Variants in SOX5 observed in about 807,000 individuals in gnomAD.
SOX5 encodes transcription factor SOX-5.
A neutral mutation model predicts 92.0 loss-of-function variants in SOX5; 9 were observed. That is an observed-to-expected ratio of 0.10 (90% CI 0.06 to 0.17). The LOEUF (loss-of-function observed/expected upper bound fraction) is 0.17, where lower values mean the gene tolerates loss of function less well. SOX5 is among the 10% of genes least tolerant of loss of function. The pLI is 1.00. For synonymous variants in SOX5, 344 were observed against 336.3 expected, an observed-to-expected ratio of 1.02 and a Z score of -0.25; for missense variants, 642 against 944.5, an observed-to-expected ratio of 0.68 and a Z score of 4.20.
At chr12:24,509,467 G>A (rs1277456266) in intron 1 of SOX5, among the ~76,000 whole-genome samples, 1 of 152,138 alleles carries the variant, frequency 6.6e-6, no homozygotes, top group African/African-American at 2.4e-5. Context: ...CAAAGTGACA[G>A]ATGAAGAGAT....
chr12:24,366,801 C>T (rs974396042), intron 2 of SOX5, among the ~76,000 whole-genome samples: 4 of 151,882 alleles, frequency 2.6e-5, no homozygotes, highest in African/African-American at 9.7e-5. Context: ...AATCACATGC[C>T]GTATGATGTT....
intron 3 of SOX5, among the ~76,000 whole-genome samples, chr12:23,844,428 CTAAGGT>C (rs1372304274): frequency 4.6e-5 from 7 of 152,064 alleles, no homozygotes; most frequent in African/African-American, 1.7e-4. Context: ...AAAACACATC[CTAAGGT>C]TAAGAATCCT....
At chr12:23,997,255 C>G (rs1236584249) in intron 4 of SOX5, among the ~76,000 whole-genome samples, 1 of 152,160 alleles carries the variant, frequency 6.6e-6, no homozygotes, top group Non-Finnish European at 1.5e-5. Flanking sequence ...TCTATTTCTA[C>G]CAGACATGGC....
chr12:24,192,447 G>A (rs1336872628), intron 4 of SOX5, among the ~76,000 whole-genome samples: 6 of 152,106 alleles, frequency 3.9e-5, no homozygotes, highest in Admixed American at 3.3e-4. Flanking sequence ...AAGTATCTTC[G>A]AAAGTAATTC....
intron 4 of SOX5, among the ~76,000 whole-genome samples, chr12:24,107,254 A>G (rs1946796455): frequency 6.6e-6 from 1 of 152,010 alleles, no homozygotes; most frequent in Non-Finnish European, 1.5e-5. Context: ...TGGGGCAGCC[A>G]CTCTCTTCTT....
At chr12:24,022,213 A>G (rs923392581) in intron 4 of SOX5, among the ~76,000 whole-genome samples, 6 of 152,166 alleles carry the variant, frequency 3.9e-5, no homozygotes, top group African/African-American at 1.4e-4. Context: ...GCTGTGAGAA[A>G]TTTCCCTGAG....
intron 8 of SOX5, among the ~76,000 whole-genome samples, chr12:23,636,561 T>C (rs1412000984): frequency 2.6e-5 from 4 of 152,158 alleles, no homozygotes; most frequent in South Asian, 2.1e-4. Flanking sequence ...AAGTCAACCA[T>C]AAGTAGGAAT....
At chr12:23,743,305 T>TTTTTTTC (rs1255792613) in intron 4 of SOX5, among the ~76,000 whole-genome samples, 2 of 152,006 alleles carry the variant, frequency 1.3e-5, no homozygotes, top group African/African-American at 2.4e-5. Context: ...GTCATTTTAA[T>TTTTTTTC]TTTTTTCTTT....
intron 6 of SOX5, among the ~76,000 whole-genome samples, chr12:23,695,021 G>A (rs1367593570): frequency 6.6e-6 from 1 of 151,920 alleles, no homozygotes; most frequent in South Asian, 2.1e-4. Context: ...TTGCAAGGCT[G>A]AGGTGGGAGA....
intron 1 of SOX5, among the ~76,000 whole-genome samples, chr12:24,433,863 A>G (rs1295159853): frequency 6.6e-6 from 1 of 152,186 alleles, no homozygotes; most frequent in African/African-American, 2.4e-5. Flanking sequence ...ACAGGTAGTC[A>G]CAGATGCCAT....
chr12:24,363,359 C>G (rs1339645255), intron 2 of SOX5, among the ~76,000 whole-genome samples: 1 of 152,150 alleles, frequency 6.6e-6, no homozygotes, highest in Admixed American at 6.5e-5. Context: ...AGAAGCCATG[C>G]TGGAGCGGTG....
intron 3 of SOX5, among the ~76,000 whole-genome samples, chr12:24,274,127 T>TA (rs1944133556): frequency 6.6e-6 from 1 of 152,200 alleles, no homozygotes; most frequent in African/African-American, 2.4e-5. Flanking sequence ...TCTACATATA[T>TA]CCATAAGGTC....
intron 1 of SOX5, among the ~76,000 whole-genome samples, chr12:24,369,567 G>A (rs908489473): frequency 2.6e-5 from 4 of 152,298 alleles, no homozygotes; most frequent in Non-Finnish European, 4.4e-5. Context: ...CAGAAGCTCT[G>A]TCTCTGGTAA....
chr12:23,551,432 A>G (rs1944195296), intron 11 of SOX5, among the ~76,000 whole-genome samples: 1 of 151,908 alleles, frequency 6.6e-6, no homozygotes, highest in South Asian at 2.1e-4. Flanking sequence ...CCCACATAAT[A>G]TAACACCGAA....
At chr12:23,862,458 T>C (rs530463176) in intron 2 of SOX5, among the ~76,000 whole-genome samples, 2 of 152,326 alleles carry the variant, frequency 1.3e-5, no homozygotes, top group Admixed American at 1.3e-4. Context: ...AAGCAAAGAC[T>C]ACTTAATCTG....
chr12:24,354,252 C>A (rs1163375303), intron 2 of SOX5, among the ~76,000 whole-genome samples: 1 of 152,214 alleles, frequency 6.6e-6, no homozygotes, highest in Non-Finnish European at 1.5e-5. Context: ...GGTGAAGAAT[C>A]TCCTAGCAGA....
intron 6 of SOX5, among the ~76,000 whole-genome samples, chr12:23,714,848 T>C (rs781729854): frequency 1.3e-5 from 2 of 152,208 alleles, no homozygotes; most frequent in Non-Finnish European, 2.9e-5. Context: ...TAGTCATACT[T>C]TGTAAAATTT....
At chr12:24,513,912 C>T (rs1451172191) in intron 1 of SOX5, among the ~76,000 whole-genome samples, 1 of 152,168 alleles carries the variant, frequency 6.6e-6, no homozygotes, top group Admixed American at 6.5e-5. Flanking sequence ...CAAGGTAATC[C>T]TTTCCACTGC....
At chr12:24,113,638 A>G (rs1411206381) in intron 4 of SOX5, among the ~76,000 whole-genome samples, 1 of 152,170 alleles carries the variant, frequency 6.6e-6, no homozygotes, top group East Asian at 1.9e-4. Flanking sequence ...TTAAAAAATG[A>G]AGAGTATGGG....
Sources: gnomAD v4.1 joint callset for allele counts (sites outside exome capture counted in the v4.1 genomes callset) on GRCh38, gnomAD v4.1.1 for gene constraint, MANE v1.5 for transcripts, NCBI Gene and HGNC (gene_info 2026-07-23, HGNC 2026-07-21) for gene names.